The following PTGS1 variants were observed in gnomAD, a reference collection of about 807,000 sequenced individuals.
PTGS1 encodes prostaglandin-endoperoxide synthase 1, also known as prostaglandin G/H synthase 1.
In PTGS1, 40 loss-of-function variants were observed where a neutral mutation model predicts 63.0. That is an observed-to-expected ratio of 0.63 (90% CI 0.49 to 0.83). The LOEUF is 0.83. PTGS1 is among the 40% of genes least tolerant of loss of function. The pLI, the probability that PTGS1 is intolerant of heterozygous loss-of-function variation, is 0.00. For synonymous variants in PTGS1, 298 were observed against 301.9 expected, an observed-to-expected ratio of 0.99 and a Z score of 0.13; for missense variants, 709 against 786.5, an observed-to-expected ratio of 0.90 and a Z score of 1.18.
chr9:122,392,153 GA>G, intron 10 of PTGS1, 35 bp from the exon 11 acceptor site: 1 of 1,526,992 alleles, frequency 6.5e-7, no homozygotes, highest in Non-Finnish European at 8.9e-7. Context: ...TGGCATCATG[GA>G]TCTGATGCTA....
chr9:122,381,633 G>A (rs1444986406), intron 6 of PTGS1, 31 bp from the exon 7 acceptor site: 22 of 1,613,266 alleles, frequency 1.4e-5, no homozygotes, highest in East Asian at 2.2e-5. Context: ...CGGCACCCTG[G>A]TGACCTGAGG....
chr9:122,376,344 TTGTGTGTGTGTGTGTGTG>T (rs57350981), intron 2 of PTGS1, among the ~76,000 whole-genome samples: 95 of 127,070 alleles, frequency 7.5e-4, no homozygotes, highest in Non-Finnish European at 1.1e-3. Context: ...TGGTCCTTGC[TTGTGTGTGTGTGTGTGTG>T]TGTGTGTGTG....
chr9:122,375,561 G>T (rs919979819), intron 2 of PTGS1: 1 of 888,530 alleles, frequency 1.1e-6, no homozygotes, highest in Non-Finnish European at 1.3e-6. Flanking sequence ...CTGTGCTGGG[G>T]GAAGAGAAAG....
chr9:122,382,311 G>A (rs894569971), intron 7 of PTGS1, among the ~76,000 whole-genome samples: 7 of 152,214 alleles, frequency 4.6e-5, no homozygotes, highest in African/African-American at 1.7e-4. Context: ...ATTTTAGCAT[G>A]TAATCAATAC....
upstream of PTGS1, chr9:122,371,020 G>C: frequency 2.6e-6 from 4 of 1,544,452 alleles, no homozygotes; most frequent in South Asian, 3.5e-5. Context: ...CTGGAGCTCC[G>C]GGCAGTGTGC....
At chr9:122,381,226 G>T in intron 5 of PTGS1, 145 bp from the exon 6 acceptor site, 2 of 711,024 alleles carry the variant, frequency 2.8e-6, no homozygotes, top group Non-Finnish European at 4.6e-6. Context: ...TAGAGAGTGG[G>T]TTACTTGGTG....
intron 4 of PTGS1, 29 bp from the exon 5 acceptor site, chr9:122,378,746 C>G (rs1474970281): frequency 6.2e-7 from 1 of 1,613,328 alleles, no homozygotes; most frequent in East Asian, 2.2e-5. Flanking sequence ...TGGAAACACC[C>G]TTGTCACCGT....
At chr9:122,390,172 C>A in intron 9 of PTGS1, 26 bp from the exon 10 acceptor site, 1 of 1,608,864 alleles carries the variant, frequency 6.2e-7, no homozygotes. Context: ...GGCTCCCAGA[C>A]CACTGCTGTG....
rs1295559709 is a variant in PTGS1 at position 122,371,205 on chromosome 9, C to T, written c.27C>T (p.Phe9=). MSRSLLLW[F]LLFLLLLPPL... ...CTGCAGGGAGTCTCTTGCTCTGGTT[C>T]TTGCTGTTCCTGCTCCTGCTCCCGC... The change falls in exon 2 of 11, where the codon TTC becomes TTT. Residue 9 remains phenylalanine, a synonymous_variant. Coordinates refer to ENST00000362012, the MANE Select transcript of PTGS1 (RefSeq NM_000962.4). The T allele has an allele frequency of 1.2e-6, 2 of 1,608,596 alleles. No homozygotes were observed. The highest frequency in any genetic ancestry group is 3.3e-5 in the Admixed American group (2 of 60,026).
In PTGS1 at chr9:122,371,069, C is replaced by T; in HGVS notation, c.-16C>T. On this transcript the variant is annotated 5_prime_UTR_variant, in exon 1 of 11. Coordinates refer to ENST00000362012, the MANE Select transcript of PTGS1 (RefSeq NM_000962.4). The stretch of plus-strand genomic sequence containing the variant: ...AGGAGCCTGCACTCTGCGTCCCGCA[C>T]CCCAGCAGCCGCGCCATGAGCCGTG... 6.3e-7 allele frequency: 1 copy of T among 1,594,592 alleles called. No individual in the cohort carries two copies. Among genetic ancestry groups the T allele is most frequent in the South Asian group, 1.1e-5 (1 of 90,298 alleles).
chr9:122,371,951 A>G lies in PTGS1; in HGVS notation c.94+679A>G. On this transcript the variant is annotated intron_variant, in intron 2 of 10. Coordinates refer to ENST00000362012, the MANE Select transcript of PTGS1 (RefSeq NM_000962.4). The stretch of plus-strand genomic sequence containing the variant: ...TTTCCACAGAAAGCTGCTTCTACCC[A>G]CAATGGACCCGGAGCCACTCTGGGT... 7 of 773,302 alleles carry G rather than the reference A, an allele frequency of 9.1e-6. No homozygotes were observed. In the South Asian group the frequency reaches 1.0e-4, roughly 11 times the overall value. 47.9% of individuals were successfully genotyped at this position (773,302 alleles called of 1,614,324 possible).
chr9:122,374,459 T>C (rs557464707), intron 2 of PTGS1, among the ~76,000 whole-genome samples: 1 of 152,290 alleles, frequency 6.6e-6, no homozygotes, highest in East Asian at 1.9e-4. Context: ...CACTCTCTAA[T>C]ACAGCTCTCC....
intron 10 of PTGS1, among the ~76,000 whole-genome samples, chr9:122,391,315 CACACACATATATATGTGTGTG>C (rs1489576118): frequency 1.9e-5 from 2 of 105,000 alleles, no homozygotes; most frequent in Non-Finnish European, 3.3e-5. Flanking sequence ...TATACATATA[CACACACATATATATGTGTGTG>C]TATATATATA....
intron 8 of PTGS1, among the ~76,000 whole-genome samples, chr9:122,385,786 C>T (rs940403009): frequency 1.3e-5 from 2 of 151,956 alleles, no homozygotes; most frequent in African/African-American, 4.8e-5. Context: ...TGTAGTCTCT[C>T]CACCTTCTTT....
chr9:122,389,626 CA>C (rs1320943960), intron 9 of PTGS1, among the ~76,000 whole-genome samples: 1 of 152,092 alleles, frequency 6.6e-6, no homozygotes, highest in East Asian at 1.9e-4. Context: ...GTGTGAGCCA[CA>C]AAAGAGGTCC....
At position 122,383,819 on chromosome 9, in the gene PTGS1, G is replaced by A. The variant is rs78094806; in HGVS notation, c.1009+64G>A. 4.0e-3 allele frequency: 6,237 copies of A among 1,564,880 alleles called. 106 individuals carry two copies. The African/African-American group carries it at 0.049, about 12-fold the overall frequency. On this transcript the variant is annotated intron_variant, in intron 8 of 10. Transcript: ENST00000362012. The stretch of plus-strand genomic sequence containing the variant: ...CCCTCCATCCTGAGAAGTTGGGGGC[G>A]GGGGGGTACTTAGAGGTGGAGGCTG...
chr9:122,390,312 A>G lies in PTGS1; in HGVS notation c.1411A>G (p.Met471Val), dbSNP rs201169549. 3.7e-6 allele frequency: 6 copies of G among 1,614,084 alleles called. No homozygotes were observed. The highest frequency in any genetic ancestry group is 2.2e-5 in the South Asian group (2 of 91,080). Reference sequence around the variant, plus strand: ...CAATGAGTACCGCAAGAGGTTTGGCATGAAACCCTACACCTCCTTCCAGGA... The same window carrying G: ...CAATGAGTACCGCAAGAGGTTTGGCGTGAAACCCTACACCTCCTTCCAGGA... ...PFNEYRKRFG[M>V]KPYTSFQELV... The change falls in exon 10 of 11, where the codon ATG (methionine) becomes GTG (valine). Residue 471 changes from methionine to valine, a missense_variant. By Grantham distance (21) the Met-to-Val change is conservative. Coordinates refer to ENST00000362012, the MANE Select transcript of PTGS1 (RefSeq NM_000962.4).
intron 3 of PTGS1, 53 bp from the exon 4 acceptor site, chr9:122,378,380 A>C (rs559797749): frequency 1.2e-6 from 2 of 1,607,036 alleles, no homozygotes; most frequent in Admixed American, 3.3e-5. Flanking sequence ...CACCCTGGCT[A>C]CTTCTGGTTC....
Position 122,392,185 on chromosome 9 carries a change from G to T in PTGS1, c.1445-4G>T, listed in dbSNP as rs1838325824. On this transcript the variant is annotated splice_region_variant and splice_polypyrimidine_tract_variant and intron_variant, in intron 10 of 10. Coordinates refer to ENST00000362012, the MANE Select transcript of PTGS1 (RefSeq NM_000962.4). Reference sequence around the variant, plus strand: ...TGCTAGCATTTCCCCTTATCTCCTTGTAGGAGAGAAGGAGATGGCAGCAGA... The same window carrying T: ...TGCTAGCATTTCCCCTTATCTCCTTTTAGGAGAGAAGGAGATGGCAGCAGA... The T allele has an allele frequency of 6.3e-7, 1 of 1,576,052 alleles. No homozygotes were observed. The highest frequency in any genetic ancestry group is 1.3e-5 in the African/African-American group (1 of 74,174).
Sources: allele counts gnomAD v4.1 joint callset (sites outside exome capture counted in the v4.1 genomes callset), GRCh38; gene constraint gnomAD v4.1.1; transcripts MANE v1.5; gene names NCBI Gene and HGNC (gene_info 2026-07-23, HGNC 2026-07-21).